The following SEMA3A variants were observed in gnomAD, a reference collection of about 807,000 sequenced individuals.
The protein encoded by SEMA3A is semaphorin 3A.
SEMA3A carries 29 observed loss-of-function variants against 97.9 expected under a neutral mutation model. The observed-to-expected ratio is 0.30, with a 90% CI of 0.22 to 0.40. SEMA3A has a LOEUF of 0.40. Ranked by LOEUF, SEMA3A falls within the 10% of genes least tolerant of loss-of-function variation. The pLI, the probability that SEMA3A is intolerant of heterozygous loss-of-function variation, is 1.00. For missense variants in SEMA3A, 763 were observed against 951.3 expected (o/e 0.80, Z 2.60); for synonymous variants, 321 against 323.7 (o/e 0.99, Z 0.09).
intron 1 of SEMA3A, among the ~76,000 whole-genome samples, chr7:84,480,196 G>T (rs186636734): frequency 0.01 from 1,556 of 152,240 alleles, 21 homozygotes; most frequent in African/African-American, 0.033. Flanking sequence ...GGGCTCTGGG[G>T]TTTTTTGTTT....
chr7:84,005,957 A>C (rs1343261479), intron 10 of SEMA3A, among the ~76,000 whole-genome samples: 1 of 152,114 alleles, frequency 6.6e-6, no homozygotes, highest in Non-Finnish European at 1.5e-5. Context: ...TCAAAAATAA[A>C]ATAAAGGAAA....
chr7:84,481,449 A>T (rs1432564872), intron 1 of SEMA3A, among the ~76,000 whole-genome samples: 1 of 152,218 alleles, frequency 6.6e-6, no homozygotes, highest in Non-Finnish European at 1.5e-5. Context: ...GCTACAACTG[A>T]TGTTGAAATC....
At chr7:84,409,635 T>C (rs556496245) in intron 1 of SEMA3A, among the ~76,000 whole-genome samples, 1 of 152,126 alleles carries the variant, frequency 6.6e-6, no homozygotes, top group Non-Finnish European at 1.5e-5. Flanking sequence ...AAATAGCTAT[T>C]GTGTAAATTC....
chr7:84,106,867 T>A (rs557975608), intron 4 of SEMA3A, among the ~76,000 whole-genome samples: 34 of 152,298 alleles, frequency 2.2e-4, no homozygotes, highest in African/African-American at 7.7e-4. Context: ...TAAATGTCCA[T>A]GAAAGTCTTA....
At chr7:84,480,011 T>A (rs895592104) in intron 1 of SEMA3A, among the ~76,000 whole-genome samples, 1 of 152,194 alleles carries the variant, frequency 6.6e-6, no homozygotes, top group Non-Finnish European at 1.5e-5. Context: ...GGGTCTAAAG[T>A]ATCCAGCAGT....
intron 2 of SEMA3A, among the ~76,000 whole-genome samples, chr7:84,325,211 A>C (rs1247377119): frequency 2.6e-5 from 4 of 152,030 alleles, no homozygotes. Context: ...CAGAGTTCTG[A>C]ACTCTGAAGT....
intron 1 of SEMA3A, among the ~76,000 whole-genome samples, chr7:84,382,016 C>T (rs1045055353): frequency 1.3e-5 from 2 of 152,088 alleles, no homozygotes; most frequent in African/African-American, 4.8e-5. Context: ...TTGAGGCAAT[C>T]AAGATTATGA....
chr7:84,096,355 C>A (rs536133834), intron 4 of SEMA3A, among the ~76,000 whole-genome samples: 2 of 152,000 alleles, frequency 1.3e-5, no homozygotes, highest in Non-Finnish European at 2.9e-5. Flanking sequence ...ATTTTATAAA[C>A]TTATTTTTTA....
At chr7:84,426,166 C>T (rs1436561097) in intron 1 of SEMA3A, among the ~76,000 whole-genome samples, 1 of 151,860 alleles carries the variant, frequency 6.6e-6, no homozygotes, top group East Asian at 1.9e-4. Context: ...AAATTCCAGA[C>T]TTCATCACTA....
intron 4 of SEMA3A, among the ~76,000 whole-genome samples, chr7:84,063,188 A>G (rs1390521443): frequency 3.3e-5 from 5 of 151,676 alleles, no homozygotes; most frequent in Admixed American, 6.6e-5. Context: ...GGGTATTCCA[A>G]CAGACCTGCA....
chr7:83,990,073 G>C (rs929200252), intron 12 of SEMA3A, among the ~76,000 whole-genome samples: 8 of 151,904 alleles, frequency 5.3e-5, no homozygotes, highest in Non-Finnish European at 1.0e-4. Context: ...GGCCAGTGAT[G>C]ATGAGCATTT....
At chr7:84,312,824 A>C (rs1801360284) in intron 2 of SEMA3A, among the ~76,000 whole-genome samples, 1 of 136,676 alleles carries the variant, frequency 7.3e-6, no homozygotes, top group Non-Finnish European at 1.5e-5. Flanking sequence ...CAGTACTACC[A>C]ACGTTTCTGG....
chr7:84,255,723 A>G (rs913399050), intron 3 of SEMA3A, among the ~76,000 whole-genome samples: 1 of 152,074 alleles, frequency 6.6e-6, no homozygotes, highest in Non-Finnish European at 1.5e-5. Flanking sequence ...CTGATTGGTA[A>G]TGAGAAAAAT....
At chr7:84,045,011 G>A (rs747197267) in intron 6 of SEMA3A, among the ~76,000 whole-genome samples, 15 of 151,944 alleles carry the variant, frequency 9.9e-5, no homozygotes, top group Non-Finnish European at 2.1e-4. Flanking sequence ...TGCTGATTGA[G>A]GTAATTTGAG....
At chr7:84,082,867 C>T (rs1341084422) in intron 4 of SEMA3A, among the ~76,000 whole-genome samples, 5 of 151,868 alleles carry the variant, frequency 3.3e-5, no homozygotes, top group Non-Finnish European at 7.4e-5. Flanking sequence ...CCTAAAAATG[C>T]ACATATTCAA....
chr7:84,298,027 A>G (rs1800911417), intron 3 of SEMA3A, among the ~76,000 whole-genome samples: 1 of 152,166 alleles, frequency 6.6e-6, no homozygotes, highest in Admixed American at 6.6e-5. Context: ...CATGTATTAA[A>G]ATGGACAGAT....
At chr7:84,421,232 T>TA (rs1804582563) in intron 1 of SEMA3A, among the ~76,000 whole-genome samples, 1 of 152,056 alleles carries the variant, frequency 6.6e-6, no homozygotes, top group Non-Finnish European at 1.5e-5. Flanking sequence ...GACATATTTA[T>TA]AGTGCTGAAA....
At chr7:84,151,608 G>A (rs1306820959) in intron 1 of SEMA3A, among the ~76,000 whole-genome samples, 2 of 152,112 alleles carry the variant, frequency 1.3e-5, no homozygotes, top group South Asian at 4.1e-4. Context: ...CCAAATCTAC[G>A]TCTGATTGGT....
chr7:84,001,766 A>ATCTT (rs1317331822), intron 12 of SEMA3A, among the ~76,000 whole-genome samples, 189 bp downstream of exon 12: 11 of 152,282 alleles, frequency 7.2e-5, no homozygotes, highest in Non-Finnish European at 1.5e-4. Flanking sequence ...ATTTCTTTAC[A>ATCTT]TCTTTAGATT....
Sources: gnomAD v4.1 joint callset for allele counts (sites outside exome capture counted in the v4.1 genomes callset) on GRCh38, gnomAD v4.1.1 for gene constraint, MANE v1.5 for transcripts, NCBI Gene and HGNC (gene_info 2026-07-23, HGNC 2026-07-21) for gene names.